Variants in PLEC observed in about 807,000 individuals in gnomAD.
The protein encoded by PLEC is hemidesmosomal protein 1.
Under a neutral mutation model 392.8 loss-of-function variants are expected in PLEC, and 216 were observed. The ratio of observed to expected loss-of-function variants is 0.55; its 90% CI spans 0.49 to 0.62. PLEC has a LOEUF of 0.62. PLEC is among the 20% of genes least tolerant of loss of function. The pLI, the probability that PLEC is intolerant of heterozygous loss-of-function variation, is 0.00. For missense variants in PLEC, 6,863 were observed against 6,563.4 expected (o/e 1.05, Z -1.58); for synonymous variants, 3,621 against 2,980.6 (o/e 1.21, Z -7.00).
rs1823235292 is a variant in PLEC, at chr8:143,922,602, G to A, written c.7327C>T (p.His2443Tyr). The A allele has an allele frequency of 6.2e-7, 1 of 1,613,600 alleles. No homozygotes were observed. Among genetic ancestry groups the A allele is most frequent in the East Asian group, 2.2e-5 (1 of 44,870 alleles). Residue 2443 changes from histidine to tyrosine, a missense_variant, in exon 31 of 32, where the codon CAT becomes TAT. Coordinates refer to ENST00000345136, the MANE Select transcript of PLEC (RefSeq NM_201384.3). ...TLEIQRQQSD[H>Y]DAERLREAIA... ...GCCTCCCGCAGGCGCTCGGCATCAT[G>A]GTCACTCTGCTGTCGCTGGATCTCC... is the stretch of plus-strand genomic sequence containing the variant.
intron 1 of PLEC, among the ~76,000 whole-genome samples, 192 bp downstream of exon 1, chr8:143,939,158 C>T (rs1287205954): frequency 6.6e-6 from 1 of 152,218 alleles, no homozygotes; most frequent in South Asian, 2.1e-4. Context: ...ACATCTGACG[C>T]TCGGAGGCCC....
At chr8:143,938,608 A>T (rs781893703) in intron 2 of PLEC, 23 bp downstream of exon 2, 1 of 1,612,256 alleles carries the variant, frequency 6.2e-7, no homozygotes, top group Admixed American at 1.7e-5. Context: ...CCCCTGTGAC[A>T]CGCACCAGCA....
At chr8:143,972,012 G>A (rs184182574) in intron 1 of PLEC, among the ~76,000 whole-genome samples, 160 of 152,312 alleles carry the variant, frequency 1.1e-3, no homozygotes, top group African/African-American at 3.8e-3. Context: ...GACAGCCCTG[G>A]GGCCAGGAAA....
In PLEC at chr8:143,922,038, G is replaced by A. The variant is rs527618442; in HGVS notation, c.7783C>T (p.Arg2595Cys). 10 of 1,595,332 alleles carry A rather than the reference G, an allele frequency of 6.3e-6. No individual in the cohort carries two copies. The highest frequency in any genetic ancestry group is 1.8e-4 in the Middle Eastern group (1 of 5,672). Residue 2595 changes from arginine (R) to cysteine (C), a missense_variant, in exon 32 of 32, where the codon CGT becomes TGT. By Grantham distance (180) the Arg-to-Cys change is radical (BLOSUM62 -3). Transcript: ENST00000345136. ...TCCTCCAGGAGCTGCAGCTGCTCAC[G>A]CAGCCTCTGGTTCTCCTCAGCCAGC... The part of the protein sequence containing the change: ...ELLAEENQRL[R>C]EQLQLLEEQH...
intron 18 of PLEC, 136 bp from the exon 19 acceptor site, chr8:143,931,795 G>C: frequency 2.0e-6 from 3 of 1,468,340 alleles, no homozygotes; most frequent in Non-Finnish European, 2.8e-6. Context: ...GAGCACCCCT[G>C]TCCAAGGCCC....
Position 143,925,556 on chromosome 8 carries a change from C to A in PLEC, c.4373G>T (p.Arg1458Leu), listed in dbSNP as rs782720526. The A allele has an allele frequency of 1.0e-4, 162 of 1,590,106 alleles. 1 individual carries two copies. In the South Asian group the frequency reaches 1.2e-3, roughly 12 times the overall value. ...LRIEEEIRVVRLQLEATERQR... is the reference protein window; with the variant it reads ...LRIEEEIRVVLLQLEATERQR... ...GCGCTCGGTGGCCTCCAACTGCAGG[C>A]GCACCACGCGGATCTCCTCCTCGAT... Residue 1458 changes from arginine to leucine, a missense_variant, in exon 31 of 32, where the codon CGC becomes CTC. Coordinates refer to ENST00000345136, the MANE Select transcript of PLEC (RefSeq NM_201384.3).
chr8:143,950,320 C>T (rs1832003135), exon 1 of PLEC: 2 of 1,574,700 alleles, frequency 1.3e-6, no homozygotes, highest in African/African-American at 2.7e-5. Flanking sequence ...GCAGCGGCCC[C>T]CGCTTGGGTG....
chr8:143,923,939 TCGGCCG>T lies in PLEC; in HGVS notation c.5984_5989del (p.Ala1995_Ala1996del). The T allele has an allele frequency of 6.3e-7, 1 of 1,593,360 alleles. No individual in the cohort carries two copies. The highest frequency in any genetic ancestry group is 8.5e-7 in the Non-Finnish European group (1 of 1,177,448). ...CTTCCGCTGCCGTGCGGCCTCCTCC[TCGGCCG>T]CCAGGCTCTTCTGCACGCGCTCCTC... is the stretch of plus-strand genomic sequence containing the variant. On this transcript the variant is annotated inframe_deletion, in exon 31 of 32. Transcript: ENST00000345136.
At position 143,922,734 on chromosome 8, in the gene PLEC, C is replaced by G; in HGVS notation, c.7195G>C (p.Ala2399Pro). The G allele has an allele frequency of 1.9e-6, 3 of 1,611,250 alleles. No individual in the cohort carries two copies. Among genetic ancestry groups the G allele is most frequent in the Non-Finnish European group, 2.5e-6 (3 of 1,179,708 alleles). The change falls in exon 31 of 32, where the codon GCT becomes CCT. Residue 2399 changes from alanine to proline, a missense_variant. Ala to Pro is a conservative substitution (Grantham distance 27, BLOSUM62 -1). Transcript: ENST00000345136. ...VAEMSRAQAR[A>P]EEDAQRFRKQ... is the part of the protein sequence containing the mutation. ...CGGAAGCGCTGGGCGTCCTCCTCAGCGCGGGCCTGGGCTCGGCTCATCTCG... is the reference window on the plus strand; with the variant it reads ...CGGAAGCGCTGGGCGTCCTCCTCAGGGCGGGCCTGGGCTCGGCTCATCTCG...
At chr8:143,942,707 C>T (rs1830735730), upstream of PLEC, among the ~76,000 whole-genome samples, 1 of 152,266 alleles carries the variant, frequency 6.6e-6, no homozygotes, top group Admixed American at 6.5e-5. Flanking sequence ...CGCGCAGCCC[C>T]GCCCAGCGCA....
chr8:143,942,018 G>A (rs887596027), upstream of PLEC, among the ~76,000 whole-genome samples: 1 of 152,114 alleles, frequency 6.6e-6, no homozygotes, highest in Non-Finnish European at 1.5e-5. Flanking sequence ...ACTGGGAAGG[G>A]AATCCCACTG....
At chr8:143,971,393 G>C (rs1288198581) in intron 1 of PLEC, among the ~76,000 whole-genome samples, 1 of 152,128 alleles carries the variant, frequency 6.6e-6, no homozygotes, top group Non-Finnish European at 1.5e-5. Flanking sequence ...ACCATGGAGG[G>C]ATTTGGGGCT....
chr8:143,918,275 G>T lies in PLEC; in HGVS notation c.11546C>A (p.Pro3849Gln). ...GTAGCTGAGGCGCTCGTCGGTGGAC[G>T]GGTCCACGTAGCTGCGCACCTCGCT... ...EPSEVRSYVD[P>Q]STDERLSYTQ... The change falls in exon 32 of 32, where the codon CCG (proline) becomes CAG (glutamine). Residue 3849 changes from proline (P) to glutamine (Q), a missense_variant. By Grantham distance (76) the Pro-to-Gln change is moderately conservative. Coordinates refer to ENST00000345136, the MANE Select transcript of PLEC (RefSeq NM_201384.3). 2 of 1,592,568 alleles carry T rather than the reference G, an allele frequency of 1.3e-6. No individual in the cohort carries two copies. Among genetic ancestry groups the T allele is most frequent in the Non-Finnish European group, 1.7e-6 (2 of 1,176,794 alleles).
At chr8:143,963,563 C>T (rs989487956) in intron 1 of PLEC, among the ~76,000 whole-genome samples, 158 of 152,276 alleles carry the variant, frequency 1.0e-3, no homozygotes, top group African/African-American at 3.5e-3. Flanking sequence ...TCTAGTTTTA[C>T]AAGTAAAAAG....
chr8:143,926,514 C>T (rs1309430714), intron 30 of PLEC, among the ~76,000 whole-genome samples: 5 of 152,174 alleles, frequency 3.3e-5, no homozygotes, highest in East Asian at 1.9e-4. Context: ...ACAGGACGGC[C>T]GCTAGGCTGC....
In PLEC at chr8:143,923,630, G is replaced by GCCTGCACCCGGGCCTCCTCCGCCT; in HGVS notation, c.6275_6298dup (p.Glu2092_Gln2099dup). 4 of 1,584,828 alleles carry GCCTGCACCCGGGCCTCCTCCGCCT rather than the reference G, an allele frequency of 2.5e-6. No homozygotes were observed. Among genetic ancestry groups the GCCTGCACCCGGGCCTCCTCCGCCT allele is most frequent in the Non-Finnish European group, 3.4e-6 (4 of 1,173,132 alleles). On this transcript the variant is annotated inframe_insertion, in exon 31 of 32. Transcript: ENST00000345136. The stretch of plus-strand genomic sequence containing the variant: ...CCGGGACTGCGCCGCCTCACGCTCC[G>GCCTGCACCCGGGCCTCCTCCGCCT]CCTGCACCCGGGCCTCCTCCGCCTC...
chr8:143,915,834 G>A lies in PLEC; in HGVS notation c.*343C>T, dbSNP rs1195201036. The A allele has an allele frequency of 1.4e-5, 3 of 207,478 alleles. No individual in the cohort carries two copies. The highest frequency in any genetic ancestry group is 2.0e-4 in the South Asian group (2 of 10,088). 12.9% of individuals were successfully genotyped at this position (207,478 alleles called of 1,614,324 possible). A position where few individuals can be genotyped will look rare whatever the true frequency, so the allele number is the denominator to read the frequency against. The stretch of plus-strand genomic sequence containing the variant: ...TCTACAGACAGGGTTGGGCCCAGCT[G>A]CCCTGTGCAGCTAGGACTGGCAGGC... On this transcript the variant is annotated 3_prime_UTR_variant, in exon 32 of 32. Coordinates refer to ENST00000345136, the MANE Select transcript of PLEC (RefSeq NM_201384.3).
At position 143,950,172 on chromosome 8, in the gene PLEC, G is replaced by A. The variant is rs782312151; in HGVS notation, c.523+12C>T. On this transcript the variant is annotated intron_variant, in intron 1 of 31. Coordinates refer to the PLEC transcript ENST00000322810. ...GCCACCCATCATGACTTGGGGTCAG[G>A]GTGCAGCTGACCTGTGGCTGGGGCA... is the stretch of plus-strand genomic sequence containing the variant. The A allele has an allele frequency of 4.0e-6, 6 of 1,500,088 alleles. No homozygotes were observed. The Admixed American group carries it at 1.4e-4, about 34-fold the overall frequency. 92.9% of individuals were successfully genotyped at this position (1,500,088 alleles called of 1,614,324 possible). A position where few individuals can be genotyped will look rare whatever the true frequency, so the allele number is the denominator to read the frequency against.
chr8:143,917,469 G>C lies in PLEC; in HGVS notation c.12352C>G (p.Leu4118Val), dbSNP rs571797590. The change falls in exon 32 of 32, where the codon CTC (leucine) becomes GTC (valine). Residue 4118 changes from leucine (L) to valine (V), a missense_variant. Physicochemically the swap from Leu to Val is conservative, Grantham distance 32 (BLOSUM62 1). Coordinates refer to ENST00000345136, the MANE Select transcript of PLEC (RefSeq NM_201384.3). The stretch of plus-strand genomic sequence containing the variant: ...CGCTTCTTCTCCTTCAGCGGCAAGA[G>C]ACACAGGCCCGTCTGGGGGTCAGTG... ...CITDPQTGLC[L>V]LPLKEKKRER... 2 of 1,613,798 alleles carry C rather than the reference G, an allele frequency of 1.2e-6. No homozygotes were observed. Among genetic ancestry groups the C allele is most frequent in the South Asian group, 1.1e-5 (1 of 91,078 alleles).
Sources: gnomAD v4.1 joint callset for allele counts (sites outside exome capture counted in the v4.1 genomes callset) on GRCh38, gnomAD v4.1.1 for gene constraint, MANE v1.5 for transcripts, NCBI Gene and HGNC (gene_info 2026-07-23, HGNC 2026-07-21) for gene names.